The following FBXO10 variants were observed in gnomAD, a reference collection of about 807,000 sequenced individuals.
FBXO10 encodes the protein F-box only protein 10.
FBXO10 carries 39 observed loss-of-function variants against 80.7 expected under a neutral mutation model. The observed-to-expected ratio is 0.48, with a 90% CI of 0.37 to 0.63. FBXO10 has a LOEUF of 0.63. Ranked by LOEUF, FBXO10 falls within the 30% of genes least tolerant of loss-of-function variation. FBXO10 has a pLI of 0.00. For synonymous variants in FBXO10, 449 were observed against 489.6 expected (o/e 0.92, Z 1.09); for missense variants, 1,025 against 1,269.0 (o/e 0.81, Z 2.92).
At chr9:37,548,368 CA>C (rs897781921) in intron 1 of FBXO10, among the ~76,000 whole-genome samples, 1 of 152,038 alleles carries the variant, frequency 6.6e-6, no homozygotes, top group African/African-American at 2.4e-5. Context: ...CTGGGCAACA[CA>C]GCGAGACTCC....
intron 1 of FBXO10, among the ~76,000 whole-genome samples, chr9:37,574,419 C>T (rs962960523): frequency 5.9e-5 from 9 of 152,290 alleles, no homozygotes; most frequent in Non-Finnish European, 8.8e-5. Flanking sequence ...AAATACAATT[C>T]CCCTGATAAC....
chr9:37,512,815 G>A, intron 10 of FBXO10, 94 bp from the exon 11 acceptor site: 1 of 1,274,352 alleles, frequency 7.8e-7, no homozygotes, highest in Non-Finnish European at 1.1e-6. Flanking sequence ...CCAGATCGGT[G>A]GATCCAGGTG....
chr9:37,518,913 CTTT>C (rs397953415), intron 8 of FBXO10, among the ~76,000 whole-genome samples: 1 of 141,314 alleles, frequency 7.1e-6, no homozygotes, highest in Admixed American at 7.1e-5. Context: ...GGGAAATTTT[CTTT>C]TTTTTTTTTT....
chr9:37,555,859 ATTTC>A (rs1822321679), intron 1 of FBXO10, among the ~76,000 whole-genome samples: 1 of 152,054 alleles, frequency 6.6e-6, no homozygotes, highest in Non-Finnish European at 1.5e-5. Context: ...CTAACTTACC[ATTTC>A]TTTCTTTTTA....
At chr9:37,550,114 G>A (rs1822153554) in intron 1 of FBXO10, among the ~76,000 whole-genome samples, 1 of 148,574 alleles carries the variant, frequency 6.7e-6, no homozygotes, top group South Asian at 2.1e-4. Flanking sequence ...CATATAGGAA[G>A]AGCCAGCTTA....
intron 1 of FBXO10, among the ~76,000 whole-genome samples, chr9:37,571,160 C>T (rs1400438695): frequency 2.0e-5 from 3 of 152,014 alleles, no homozygotes; most frequent in Admixed American, 2.0e-4. Flanking sequence ...AACACACCTG[C>T]GAGCCCAGGT....
At chr9:37,530,150 C>CT (rs1338813869) in intron 4 of FBXO10, among the ~76,000 whole-genome samples, 6 of 152,162 alleles carry the variant, frequency 3.9e-5, no homozygotes, top group Non-Finnish European at 8.8e-5. Flanking sequence ...TTATCTCACT[C>CT]TAAGTTAATT....
chr9:37,526,932 C>A (rs1821492086), intron 5 of FBXO10, among the ~76,000 whole-genome samples: 1 of 151,796 alleles, frequency 6.6e-6, no homozygotes, highest in Admixed American at 6.6e-5. Flanking sequence ...CTCACTGCAA[C>A]CTTCGCCTCC....
Position 37,541,584 on chromosome 9 carries a change from T to C in FBXO10, c.185A>G (p.Asn62Ser). 1.2e-6 allele frequency: 2 copies of C among 1,613,824 alleles called. No homozygotes were observed. The highest frequency in any genetic ancestry group is 1.7e-6 in the Non-Finnish European group (2 of 1,179,802). The stretch of plus-strand genomic sequence containing the variant: ...AGACTCAGGCTCCACATCTGGCTGG[T>C]TGGGCCAATTGGGATGGCGGCACTC... ...CTECRHPNWP[N>S]QPDVEPESWR... The change falls in exon 2 of 11, where the codon AAC becomes AGC. Residue 62 changes from asparagine to serine, a missense_variant. Asn to Ser is a conservative substitution (Grantham distance 46). This residue lies in a region of FBXO10 where 450 missense variants were observed against 499.4 expected (regional missense o/e 0.90). Coordinates refer to ENST00000432825, the MANE Select transcript of FBXO10 (RefSeq NM_012166.3).
chr9:37,511,367 TCTC>T lies in FBXO10; in HGVS notation c.*1177_*1179del, dbSNP rs1424452799. On this transcript the variant is annotated 3_prime_UTR_variant, in exon 11 of 11. Coordinates refer to ENST00000432825, the MANE Select transcript of FBXO10 (RefSeq NM_012166.3). ...AAAGTCCTCTGGGAGCTGGCCTTCCTCTCCTCACTCAGGCCACTAATCCTACCC... is the reference window on the plus strand; with the variant it reads ...AAAGTCCTCTGGGAGCTGGCCTTCCTCTCACTCAGGCCACTAATCCTACCC... 2 of 152,464 alleles carry T rather than the reference TCTC, an allele frequency of 1.3e-5. No homozygotes were observed. The highest frequency in any genetic ancestry group is 4.8e-5 in the African/African-American group (2 of 41,406). The allele number at this position is 152,464 out of a possible 1,614,324, so 9.4% of individuals were successfully genotyped here.
intron 3 of FBXO10, among the ~76,000 whole-genome samples, chr9:37,534,748 A>C (rs1270604104): frequency 1.3e-5 from 2 of 152,184 alleles, no homozygotes; most frequent in Non-Finnish European, 2.9e-5. Context: ...AGAGGCATTA[A>C]GCCCCTCTCC....
intron 2 of FBXO10, among the ~76,000 whole-genome samples, chr9:37,540,127 G>A (rs965985904): frequency 6.6e-6 from 1 of 151,872 alleles, no homozygotes; most frequent in African/African-American, 2.4e-5. Context: ...AGTGGTATAA[G>A]GATCATTACA....
chr9:37,552,107 C>A (rs1311426566), intron 1 of FBXO10, among the ~76,000 whole-genome samples: 2 of 152,200 alleles, frequency 1.3e-5, no homozygotes, highest in Non-Finnish European at 2.9e-5. Context: ...TTCACTGTTG[C>A]AACTACTCAA....
intron 3 of FBXO10, among the ~76,000 whole-genome samples, chr9:37,535,637 C>T (rs910228590): frequency 1.3e-5 from 2 of 152,116 alleles, no homozygotes; most frequent in Non-Finnish European, 2.9e-5. Flanking sequence ...GGATTACAGG[C>T]TTGAGCCACA....
intron 5 of FBXO10, 104 bp downstream of exon 5, chr9:37,529,020 C>G (rs538446425): frequency 6.9e-4 from 1,011 of 1,460,336 alleles, no homozygotes; most frequent in Non-Finnish European, 8.7e-4. Flanking sequence ...GAAGTCTCTT[C>G]TCTGCTTGCA....
intron 1 of FBXO10, among the ~76,000 whole-genome samples, chr9:37,548,750 C>G (rs1822119300): frequency 6.6e-6 from 1 of 151,878 alleles, no homozygotes; most frequent in Non-Finnish European, 1.5e-5. Flanking sequence ...TATGACAGAT[C>G]CTTTTTTTTT....
chr9:37,548,810 G>A (rs1399059702), intron 1 of FBXO10, among the ~76,000 whole-genome samples: 1 of 151,812 alleles, frequency 6.6e-6, no homozygotes, highest in Non-Finnish European at 1.5e-5. Flanking sequence ...GTGCAGTGGC[G>A]CCATCTCGGC....
chr9:37,532,461 T>C (rs1821655120), intron 3 of FBXO10, among the ~76,000 whole-genome samples: 1 of 152,076 alleles, frequency 6.6e-6, no homozygotes, highest in East Asian at 1.9e-4. Flanking sequence ...TTTGAATTTT[T>C]GTTTATTTTT....
At chr9:37,540,121 G>C (rs1020403749) in intron 2 of FBXO10, among the ~76,000 whole-genome samples, 3 of 151,970 alleles carry the variant, frequency 2.0e-5, no homozygotes, top group African/African-American at 7.3e-5. Flanking sequence ...ATGACCAGTG[G>C]TATAAGGATC....
Sources: gnomAD v4.1 joint callset for allele counts (sites outside exome capture counted in the v4.1 genomes callset) on GRCh38, gnomAD v4.1.1 for gene constraint, gnomAD v4.1.1 regional missense constraint, MANE v1.5 for transcripts, NCBI Gene and HGNC (gene_info 2026-07-23, HGNC 2026-07-21) for gene names.